Variants in HIC2 observed in about 807,000 individuals in gnomAD.
HIC2 encodes HIC ZBTB transcriptional repressor 2.
Under a neutral mutation model 39.5 loss-of-function variants are expected in HIC2, and 2 were observed. The ratio of observed to expected loss-of-function variants is 0.05; its 90% confidence interval spans 0.02 to 0.16. The LOEUF is 0.16. HIC2 is among the 10% of genes least tolerant of loss of function. The probability of loss-of-function intolerance (pLI) is 1.00; values close to 1 mark genes in which losing one functional copy is unlikely to be tolerated. For missense variants in HIC2, 713 were observed against 863.5 expected (o/e 0.83, Z 2.18); for synonymous variants, 399 against 368.8 (o/e 1.08, Z -0.94).
Position 21,443,128 on chromosome 22 carries a change from G to A in HIC2, c.26+271G>A, listed in dbSNP as rs185556131. On this transcript the variant is annotated intron_variant, in intron 2 of 2. Coordinates refer to ENST00000407464, the MANE Select transcript of HIC2 (RefSeq NM_015094.3). Reference sequence around the variant, plus strand: ...GGCCAAGTGTGGAAGCCACACCTTGGGGGCTCTTTGTCCCTGCCTGGTGGG... The same window carrying A: ...GGCCAAGTGTGGAAGCCACACCTTGAGGGCTCTTTGTCCCTGCCTGGTGGG... 4.2e-3 allele frequency among the ~76,000 whole-genome samples: 635 copies of A among 152,308 alleles called. 3 individuals carry two copies. The highest frequency in any genetic ancestry group is 5.6e-3 in the Non-Finnish European group (378 of 68,024).
rs128477 is a variant in HIC2, at chr22:21,446,155, T to C, written c.1260T>C (p.His420=). Residue 420 remains histidine, a synonymous_variant, in exon 3 of 3, where the codon CAT becomes CAC. Transcript: ENST00000407464. Reference sequence around the variant, plus strand: ...GCGGGAGCGAGGGGGGCAGCGGCCATGCCAGCGCCCACTACATGTACCGGC... The same window carrying C: ...GCGGGAGCGAGGGGGGCAGCGGCCACGCCAGCGCCCACTACATGTACCGGC... ...AQSGSEGGSG[H]ASAHYMYRQE... 0.98 allele frequency: 1,584,839 copies of C among 1,609,056 alleles called. 781,420 individuals carry two copies. The highest frequency in any genetic ancestry group is 1 in the African/African-American group (74,936 of 75,054).
At position 21,449,184 on chromosome 22, in the gene HIC2, G is replaced by A. The variant is rs1924028548; in HGVS notation, c.*2441G>A. 1 of 152,730 alleles carries A rather than the reference G, an allele frequency of 6.5e-6. No homozygotes were observed. The highest frequency in any genetic ancestry group is 2.4e-5 in the African/African-American group (1 of 41,426). 9.5% of individuals were successfully genotyped at this position (152,730 alleles called of 1,614,324 possible). A position where few individuals can be genotyped will look rare whatever the true frequency, so the allele number is the denominator to read the frequency against. ...TATTTAAGACTTTAAGGGTTTGTGGGGCGGGGCGGGATTAACACAACATTT... is the reference window on the plus strand; with the variant it reads ...TATTTAAGACTTTAAGGGTTTGTGGAGCGGGGCGGGATTAACACAACATTT... On this transcript the variant is annotated 3_prime_UTR_variant, in exon 3 of 3. Coordinates refer to ENST00000407464, the MANE Select transcript of HIC2 (RefSeq NM_015094.3).
rs747637157 is a variant in HIC2, at chr22:21,445,768, C to T, written c.873C>T (p.Asn291=). 11 of 1,608,364 alleles carry T rather than the reference C, an allele frequency of 6.8e-6. No homozygotes were observed. The South Asian group carries it at 1.0e-4, about 15-fold the overall frequency. Residue 291 remains asparagine, a synonymous_variant, in exon 3 of 3, where the codon AAC becomes AAT. Transcript: ENST00000407464. ...PPAASAPPVA[N]SASYSELGGT... ...CGGCCTCTGCTCCTCCCGTTGCCAA[C>T]AGTGCCTCTTATTCTGAGCTGGGGG...
chr22:21,444,868 C>T (rs1427937916), intron 2 of HIC2, 54 bp from the exon 3 acceptor site: 3 of 1,562,056 alleles, frequency 1.9e-6, no homozygotes, highest in Non-Finnish European at 2.6e-6. Context: ...GCCCCAGAGC[C>T]CTGGTCCGAG....
chr22:21,431,974 A>T (rs1451120705), intron 1 of HIC2, among the ~76,000 whole-genome samples: 12 of 138,160 alleles, frequency 8.7e-5, no homozygotes, highest in African/African-American at 2.6e-4. Flanking sequence ...CTGTCTCCAA[A>T]CAATCACAAA....
chr22:21,449,139 A>G lies in HIC2; in HGVS notation c.*2396A>G, dbSNP rs539905635. On this transcript the variant is annotated 3_prime_UTR_variant, in exon 3 of 3. Transcript: ENST00000407464. ...CGAGCCTTTTCTGTGTTTTAATGAG[A>G]AAGCAGAACACTAGTTTCCTATTTA... 1 of 152,800 alleles carries G rather than the reference A, an allele frequency of 6.5e-6. No homozygotes were observed. The highest frequency in any genetic ancestry group is 6.5e-5 in the Admixed American group (1 of 15,296). The allele number at this position is 152,800 out of a possible 1,614,324, so 9.5% of individuals were successfully genotyped here.
chr22:21,426,806 TC>T (rs555938282), intron 1 of HIC2, among the ~76,000 whole-genome samples: 252 of 17,176 alleles, frequency 0.015, no homozygotes, highest in African/African-American at 0.055. Context: ...TGAAGCGGAG[TC>T]TTGCTCTGTT....
In HIC2 at chr22:21,445,497, T is replaced by G. The variant is rs1443908962; in HGVS notation, c.602T>G (p.Leu201Arg). The change falls in exon 3 of 3, where the codon CTC becomes CGC. Residue 201 changes from leucine to arginine, a missense_variant. By Grantham distance (102) the Leu-to-Arg change is moderately radical (BLOSUM62 -2). Around this residue, in one of 5 missense-constraint regions of HIC2, gnomAD observed 457 missense variants for 420.2 expected, o/e 1.09. Coordinates refer to ENST00000407464, the MANE Select transcript of HIC2 (RefSeq NM_015094.3). ...CAAGCCAAAGGCTCAGACGATGAAC[T>G]CTTTCTTGGTGGCTCTAACCAGGAT... Reference protein sequence around the residue: ...LPQAKGSDDELFLGGSNQDSV... With the variant: ...LPQAKGSDDERFLGGSNQDSV... The G allele has an allele frequency of 5.0e-6, 8 of 1,586,774 alleles. No individual in the cohort carries two copies. The highest frequency in any genetic ancestry group is 6.8e-6 in the Non-Finnish European group (8 of 1,169,646).
At position 21,444,917 on chromosome 22, in the gene HIC2, C is replaced by A. The variant is rs371269645; in HGVS notation, c.27-5C>A. On this transcript the variant is annotated splice_polypyrimidine_tract_variant and splice_region_variant and intron_variant, in intron 2 of 2. Coordinates refer to ENST00000407464, the MANE Select transcript of HIC2 (RefSeq NM_015094.3). The stretch of plus-strand genomic sequence containing the variant: ...TGACGCATGCGTGCCTGTTCTTGCC[C>A]ACAGGTGGTGCGCGTGGGCAGGGCG... 6.2e-7 allele frequency: 1 copy of A among 1,607,438 alleles called. No homozygotes were observed. Among genetic ancestry groups the A allele is most frequent in the Admixed American group, 1.7e-5 (1 of 59,766 alleles).
In HIC2 at chr22:21,446,707, C is replaced by T. The variant is rs370354270; in HGVS notation, c.1812C>T (p.Leu604=). The T allele has an allele frequency of 1.1e-5, 18 of 1,611,196 alleles. No individual in the cohort carries two copies. Among genetic ancestry groups the T allele is most frequent in the Non-Finnish European group, 1.4e-5 (17 of 1,177,818 alleles). The part of the protein sequence containing the change: ...CGGKFTQQRN[L]ISHLRMHTSP... ...GCAAGTTCACCCAGCAGCGCAACCT[C>T]ATCAGCCACCTGCGCATGCACACCT... Residue 604 remains leucine (L), a synonymous_variant, in exon 3 of 3, where the codon CTC becomes CTT. Coordinates refer to ENST00000407464, the MANE Select transcript of HIC2 (RefSeq NM_015094.3).
Position 21,445,451 on chromosome 22 carries a change from C to A in HIC2, c.556C>A (p.His186Asn). Reference sequence around the variant, plus strand: ...GCTCGTGGATGGGCGCAAGGGGGCCCACGCCCCCCAGGAGCTCCCCCAAGC... The same window carrying A: ...GCTCGTGGATGGGCGCAAGGGGGCCAACGCCCCCCAGGAGCTCCCCCAAGC... Reference protein sequence around the residue: ...QGLVDGRKGAHAPQELPQAKG... With the variant: ...QGLVDGRKGANAPQELPQAKG... The change falls in exon 3 of 3, where the codon CAC becomes AAC. Residue 186 changes from histidine to asparagine, a missense_variant. Physicochemically the swap from His to Asn is moderately conservative, Grantham distance 68 (BLOSUM62 1). This residue lies in a region of HIC2 where 457 missense variants were observed against 420.2 expected (regional missense o/e 1.09). Transcript: ENST00000407464. 1.3e-6 allele frequency: 2 copies of A among 1,535,664 alleles called. No homozygotes were observed. Among genetic ancestry groups the A allele is most frequent in the Non-Finnish European group, 1.7e-6 (2 of 1,147,692 alleles).
In HIC2 at chr22:21,445,556, G is replaced by C; in HGVS notation, c.661G>C (p.Ala221Pro). 1 of 1,596,666 alleles carries C rather than the reference G, an allele frequency of 6.3e-7. No individual in the cohort carries two copies. Among genetic ancestry groups the C allele is most frequent in the East Asian group, 2.2e-5 (1 of 44,720 alleles). ...VQGLGRAVCP[A>P]GGEAGLGGCS... is the part of the protein sequence containing the mutation. Reference sequence around the variant, plus strand: ...AGGTCTGGGCCGGGCTGTCTGCCCAGCTGGCGGGGAGGCGGGTCTGGGGGG... The same window carrying C: ...AGGTCTGGGCCGGGCTGTCTGCCCACCTGGCGGGGAGGCGGGTCTGGGGGG... The change falls in exon 3 of 3, where the codon GCT (alanine) becomes CCT (proline). Residue 221 changes from alanine to proline, a missense_variant. Ala to Pro is a conservative substitution (Grantham distance 27). Transcript: ENST00000407464.
Position 21,445,476 on chromosome 22 carries a change from C to A in HIC2, c.581C>A (p.Ala194Asp). The stretch of plus-strand genomic sequence containing the variant: ...CACGCCCCCCAGGAGCTCCCCCAAG[C>A]CAAAGGCTCAGACGATGAACTCTTT... Reference protein sequence around the residue: ...GAHAPQELPQAKGSDDELFLG... With the variant: ...GAHAPQELPQDKGSDDELFLG... Residue 194 changes from alanine to aspartate, a missense_variant, in exon 3 of 3, where the codon GCC becomes GAC. Ala to Asp is a moderately radical substitution (Grantham distance 126). Around this residue, in one of 5 missense-constraint regions of HIC2, gnomAD observed 457 missense variants for 420.2 expected, o/e 1.09. Transcript: ENST00000407464. The A allele has an allele frequency of 6.4e-7, 1 of 1,561,406 alleles. No individual in the cohort carries two copies. Among genetic ancestry groups the A allele is most frequent in the South Asian group, 1.2e-5 (1 of 82,570 alleles).
chr22:21,425,365 G>A (rs1923189819), intron 1 of HIC2, among the ~76,000 whole-genome samples: 1 of 138,584 alleles, frequency 7.2e-6, no homozygotes, highest in African/African-American at 2.7e-5. Flanking sequence ...GAAATAGGAA[G>A]GATGCATGAG....
At position 21,445,891 on chromosome 22, in the gene HIC2, C is replaced by T. The variant is rs117109056; in HGVS notation, c.996C>T (p.His332=). The part of the protein sequence containing the change: ...PGGQPRKSLR[H]STRKKEWGKK... ...GGCAGCCTCGGAAGAGCCTCCGGCA[C>T]TCCACTCGGAAGAAGGAGTGGGGCA... Residue 332 remains histidine, a synonymous_variant, in exon 3 of 3, where the codon CAC becomes CAT. Coordinates refer to ENST00000407464, the MANE Select transcript of HIC2 (RefSeq NM_015094.3). The T allele has an allele frequency of 5.5e-4, 874 of 1,601,176 alleles. 12 individuals carry two copies. In the East Asian group the frequency reaches 0.016, roughly 30 times the overall value.
In HIC2 at chr22:21,447,650, TA is replaced by T. The variant is rs942593129; in HGVS notation, c.*908del. 6.6e-6 allele frequency: 1 copy of T among 150,472 alleles called. No homozygotes were observed. The highest frequency in any genetic ancestry group is 2.5e-5 in the African/African-American group (1 of 40,540). The allele number at this position is 150,472 out of a possible 1,614,324, so 9.3% of individuals were successfully genotyped here. On this transcript the variant is annotated 3_prime_UTR_variant, in exon 3 of 3. Transcript: ENST00000407464. Reference sequence around the variant, plus strand: ...TCTTTGTTTAGAGGTACTTGTTTTTTATTAAGAGAAAAACCAGTGTAACGTT... The same window carrying T: ...TCTTTGTTTAGAGGTACTTGTTTTTTTTAAGAGAAAAACCAGTGTAACGTT...
rs1330164582 is a variant in HIC2 at position 21,450,236 on chromosome 22, AAAGG to A, written c.*3497_*3500del. 1.3e-5 allele frequency: 2 copies of A among 152,884 alleles called. No homozygotes were observed. The highest frequency in any genetic ancestry group is 3.8e-4 in the East Asian group (2 of 5,328). The allele number at this position is 152,884 out of a possible 1,614,324, so 9.5% of individuals were successfully genotyped here. ...GGGCTCCTCCAGGATTGCAAAAAAA[AAAGG>A]AAGAGAAAAGATGAACCTTTAAGCA... On this transcript the variant is annotated 3_prime_UTR_variant, in exon 3 of 3. Transcript: ENST00000407464.
chr22:21,432,569 G>A lies in HIC2; in HGVS notation c.-73-10190G>A, dbSNP rs1363899024. 8.1e-3 allele frequency among the ~76,000 whole-genome samples: 851 copies of A among 105,332 alleles called. 3 individuals are homozygous for A. The highest frequency in any genetic ancestry group is 0.036 in the African/African-American group (800 of 22,452). The allele number at this position is 105,332 out of a possible 152,430, so 69.1% of individuals were successfully genotyped here. On this transcript the variant is annotated intron_variant, in intron 1 of 2. Transcript: ENST00000407464. ...TGCACACTTGGAATCCCAGCTACTC[G>A]GGAGGCTGAGGCAGGACAGTCGCTT...
At chr22:21,443,805 T>C (rs902942629) in intron 2 of HIC2, among the ~76,000 whole-genome samples, 1 of 151,958 alleles carries the variant, frequency 6.6e-6, no homozygotes, top group Non-Finnish European at 1.5e-5. Flanking sequence ...TACTGGGGAG[T>C]TGGGCTTAGG....
Sources: gnomAD v4.1 joint callset for allele counts (sites outside exome capture counted in the v4.1 genomes callset) on GRCh38, gnomAD v4.1.1 for gene constraint, gnomAD v4.1.1 regional missense constraint, MANE v1.5 for transcripts, NCBI Gene and HGNC (gene_info 2026-07-23, HGNC 2026-07-21) for gene names.